RYR2: variants seen among roughly 807,000 people sequenced by gnomAD.
RYR2 encodes the protein ryanodine receptor 2.
In RYR2, 227 loss-of-function variants were observed where a neutral mutation model predicts 601.1. That is an observed-to-expected ratio of 0.38 (90% CI 0.34 to 0.42). The LOEUF (loss-of-function observed/expected upper bound fraction) is 0.42, where lower values mean the gene tolerates loss of function less well. Ranked by LOEUF, RYR2 falls within the 10% of genes least tolerant of loss-of-function variation. The probability of loss-of-function intolerance (pLI) is 1.00; values close to 1 mark genes in which losing one functional copy is unlikely to be tolerated. For synonymous variants in RYR2, 2,223 were observed against 2,175.1 expected (o/e 1.02, Z -0.61); for missense variants, 4,646 against 6,156.5 (o/e 0.75, Z 8.21).
At chr1:237,793,789 C>A (rs1390544375) in intron 94 of RYR2, 78 bp from the exon 95 acceptor site, 2 of 1,092,792 alleles carry the variant, frequency 1.8e-6, no homozygotes, top group East Asian at 2.6e-5. Context: ...TTTCCAAAAG[C>A]TGTTTTGTAA....
chr1:237,776,028 C>T (rs936525342), intron 87 of RYR2, among the ~76,000 whole-genome samples: 2 of 152,158 alleles, frequency 1.3e-5, no homozygotes, highest in African/African-American at 4.8e-5. Flanking sequence ...AGAGCACAAC[C>T]CCTTGTAATG....
intron 48 of RYR2, among the ~76,000 whole-genome samples, chr1:237,647,661 A>T (rs768690464): frequency 6.6e-6 from 1 of 152,204 alleles, no homozygotes; most frequent in Admixed American, 6.5e-5. Flanking sequence ...TTGATGTTGT[A>T]TCCATATGAA....
intron 8 of RYR2, among the ~76,000 whole-genome samples, chr1:237,383,417 G>GTTTTTTTTTTTTTTTTTTTTTTTTTT (rs10567644): frequency 4.0e-5 from 2 of 50,560 alleles, no homozygotes; most frequent in Non-Finnish European, 7.5e-5. Flanking sequence ...CTTTTTTCTT[G>GTTTTTTTTTTTTTTTTTTTTTTTTTT]TTTTTTTTTT....
chr1:237,445,992 T>G (rs1215632644), intron 14 of RYR2, among the ~76,000 whole-genome samples: 1 of 152,070 alleles, frequency 6.6e-6, no homozygotes, highest in Non-Finnish European at 1.5e-5. Context: ...AATTTTTGTA[T>G]TTTTAGTAGA....
chr1:237,724,071 C>T (rs1015686040), intron 74 of RYR2, among the ~76,000 whole-genome samples: 2 of 151,378 alleles, frequency 1.3e-5, no homozygotes, highest in Non-Finnish European at 2.9e-5. Flanking sequence ...TCACAGGGCT[C>T]TTATGACAGA....
rs562138442 is a variant in RYR2, at chr1:237,757,187, T to C, written c.11246-510T>C. On this transcript the variant is annotated intron_variant, in intron 81 of 104. Coordinates refer to ENST00000366574, the MANE Select transcript of RYR2 (RefSeq NM_001035.3). ...ATGAAATATGTTACACTAAATAAAA[T>C]TTTGTTATTATCCGAATTACTTAAA... 2.6e-5 allele frequency among the ~76,000 whole-genome samples: 4 copies of C among 152,296 alleles called. No individual in the cohort carries two copies. The East Asian group carries it at 7.7e-4, about 29-fold the overall frequency.
At chr1:237,738,530 T>C (rs146620301) in intron 79 of RYR2, among the ~76,000 whole-genome samples, 1 of 152,156 alleles carries the variant, frequency 6.6e-6, no homozygotes, top group African/African-American at 2.4e-5. Context: ...TTTCATTTAT[T>C]TATATATAGA....
rs755065507 is a variant in RYR2 at position 237,801,866 on chromosome 1, A to G, written c.14101A>G (p.Ile4701Val). The stretch of plus-strand genomic sequence containing the variant: ...TTTTTGTCATTGCAGACTGAACTCC[A>G]TTGATGTGAAGTATCAGATGTGGAA... The part of the protein sequence containing the change: ...DSSLSAVLNS[I>V]DVKYQMWKLG... The change falls in exon 98 of 105, where the codon ATT (isoleucine) becomes GTT (valine). Residue 4701 changes from isoleucine (I) to valine (V), a missense_variant. By Grantham distance (29) the Ile-to-Val change is conservative. Coordinates refer to ENST00000366574, the MANE Select transcript of RYR2 (RefSeq NM_001035.3). 7.4e-5 allele frequency: 118 copies of G among 1,591,046 alleles called. No individual in the cohort carries two copies. In the Admixed American group the frequency reaches 1.9e-3, roughly 26 times the overall value.
chr1:237,483,536 A>G (rs1279354136), intron 17 of RYR2, among the ~76,000 whole-genome samples: 1 of 152,202 alleles, frequency 6.6e-6, no homozygotes, highest in East Asian at 1.9e-4. Context: ...ACCAGTATAT[A>G]ATACAATAGA....
Position 237,593,520 on chromosome 1 carries a change from T to A in RYR2, c.4320T>A (p.Asn1440Lys). The change falls in exon 33 of 105, where the codon AAT (asparagine) becomes AAA (lysine). Residue 1440 changes from asparagine (N) to lysine (K), a missense_variant. Transcript: ENST00000366574. ...TCTTTCCTGGACAAGAACCTGCTAATGTCTGGGTGGGCTGGATTACATCAG... is the reference window on the plus strand; with the variant it reads ...TCTTTCCTGGACAAGAACCTGCTAAAGTCTGGGTGGGCTGGATTACATCAG... ...VRIFPGQEPA[N>K]VWVGWITSDF... is the part of the protein sequence containing the mutation. 1 of 1,613,918 alleles carries A rather than the reference T, an allele frequency of 6.2e-7. No individual in the cohort carries two copies. The highest frequency in any genetic ancestry group is 8.5e-7 in the Non-Finnish European group (1 of 1,179,854).
intron 63 of RYR2, 30 bp downstream of exon 63, chr1:237,687,534 T>C (rs1259364673): frequency 6.4e-6 from 10 of 1,569,150 alleles, no homozygotes; most frequent in Non-Finnish European, 7.9e-6. Context: ...AATACAAGCA[T>C]GGCCATCACT....
chr1:237,577,485 T>C (rs912904388), intron 29 of RYR2, among the ~76,000 whole-genome samples: 1 of 150,424 alleles, frequency 6.6e-6, no homozygotes, highest in Non-Finnish European at 1.5e-5. Context: ...AAGAAGGAAG[T>C]AGGAGTGTGT....
chr1:237,430,262 G>A (rs1338241828), intron 12 of RYR2, among the ~76,000 whole-genome samples: 1 of 150,876 alleles, frequency 6.6e-6, no homozygotes, highest in East Asian at 2.0e-4. Flanking sequence ...TTGATCTGGA[G>A]ATATGTATAA....
chr1:237,256,351 C>T (rs971997265), intron 1 of RYR2, among the ~76,000 whole-genome samples: 3 of 152,086 alleles, frequency 2.0e-5, no homozygotes, highest in Admixed American at 6.6e-5. Flanking sequence ...TTATCAGCAG[C>T]GTGAGAATAG....
chr1:237,770,778 A>G, intron 84 of RYR2, 29 bp from the exon 85 acceptor site: 1 of 1,452,704 alleles, frequency 6.9e-7, no homozygotes, highest in Non-Finnish European at 9.5e-7. Flanking sequence ...GGTGGCTGGT[A>G]ATGTTTGATC....
chr1:237,811,804 C>T (rs1390367776), intron 100 of RYR2, among the ~76,000 whole-genome samples: 5 of 152,164 alleles, frequency 3.3e-5, no homozygotes, highest in African/African-American at 7.2e-5. Context: ...TTTCCTGTCA[C>T]GATTGCCGTT....
At chr1:237,217,805 C>G (rs1202788082) in intron 1 of RYR2, among the ~76,000 whole-genome samples, 2 of 152,064 alleles carry the variant, frequency 1.3e-5, no homozygotes, top group African/African-American at 4.8e-5. Flanking sequence ...TGAGTATGCC[C>G]CAAGAAAGAG....
chr1:237,394,966 A>G (rs1247725590), intron 10 of RYR2, among the ~76,000 whole-genome samples: 1 of 152,170 alleles, frequency 6.6e-6, no homozygotes, highest in South Asian at 2.1e-4. Context: ...CAAGAGAGCA[A>G]AGGGGAAGTG....
chr1:237,806,043 A>C (rs1660599443), intron 98 of RYR2, 94 bp from the exon 99 acceptor site: 1 of 1,106,796 alleles, frequency 9.0e-7, no homozygotes, highest in African/African-American at 1.6e-5. Flanking sequence ...TGTAGAGTTT[A>C]ACTTTCTGTT....
Sources: allele counts gnomAD v4.1 joint callset (sites outside exome capture counted in the v4.1 genomes callset), GRCh38; gene constraint gnomAD v4.1.1; transcripts MANE v1.5; gene names NCBI Gene and HGNC (gene_info 2026-07-23, HGNC 2026-07-21).